KDM4B: variants seen among roughly 807,000 people sequenced by gnomAD.
The protein encoded by KDM4B is lysine-specific demethylase 4B.
In KDM4B, 32 loss-of-function variants were observed where a neutral mutation model predicts 125.2. The ratio of observed to expected loss-of-function variants is 0.26; its 90% CI spans 0.19 to 0.34. The LOEUF (loss-of-function observed/expected upper bound fraction) is 0.34. Among genes scored for constraint, KDM4B ranks in the 10% least tolerant of loss-of-function variants. The pLI is 1.00. For synonymous variants in KDM4B, 721 were observed against 677.9 expected, an observed-to-expected ratio of 1.06 and a Z score of -0.99; for missense variants, 1,190 against 1,577.7, an observed-to-expected ratio of 0.75 and a Z score of 4.16.
chr19:4,984,020 C>T (rs927129596), intron 1 of KDM4B, among the ~76,000 whole-genome samples: 7 of 152,208 alleles, frequency 4.6e-5, no homozygotes, highest in African/African-American at 1.7e-4. Context: ...GCAATTCTGT[C>T]TCTTAAGGGA....
At chr19:5,006,272 G>A (rs978300773) in intron 1 of KDM4B, among the ~76,000 whole-genome samples, 13 of 151,994 alleles carry the variant, frequency 8.6e-5, no homozygotes, top group Non-Finnish European at 1.2e-4. Context: ...TCCTCAGAGC[G>A]GAACCCCCAT....
At chr19:5,117,479 A>G (rs773079176) in intron 10 of KDM4B, among the ~76,000 whole-genome samples, 5 of 152,118 alleles carry the variant, frequency 3.3e-5, no homozygotes, top group Non-Finnish European at 7.4e-5. Context: ...GCCCTGGGGC[A>G]TTCCCAGACC....
At chr19:5,138,770 G>A (rs1048796171) in intron 18 of KDM4B, among the ~76,000 whole-genome samples, 2 of 152,198 alleles carry the variant, frequency 1.3e-5, no homozygotes, top group African/African-American at 4.8e-5. Flanking sequence ...AGGGCTCTGC[G>A]GCCCGCTCAC....
intron 11 of KDM4B, among the ~76,000 whole-genome samples, chr19:5,128,100 G>A (rs1599240366): frequency 6.6e-6 from 1 of 151,606 alleles, no homozygotes. Flanking sequence ...TGTGTGCGGA[G>A]CTACCTGTTG....
intron 1 of KDM4B, among the ~76,000 whole-genome samples, chr19:4,974,738 CAA>C (rs796667578): frequency 2.6e-4 from 18 of 69,332 alleles, no homozygotes; most frequent in Non-Finnish European, 2.1e-4. Context: ...ACTCTGTCTC[CAA>C]AAAAAAAAAA....
chr19:5,060,081 C>T (rs1037973546), intron 6 of KDM4B, among the ~76,000 whole-genome samples: 2 of 152,194 alleles, frequency 1.3e-5, no homozygotes, highest in Non-Finnish European at 2.9e-5. Context: ...CGTGTTGAGG[C>T]CCCACGGGGC....
At chr19:5,062,007 C>T (rs1003132764) in intron 6 of KDM4B, among the ~76,000 whole-genome samples, 10 of 152,226 alleles carry the variant, frequency 6.6e-5, no homozygotes, top group African/African-American at 2.2e-4. Flanking sequence ...GGGCTGGCCC[C>T]GCAGAATGCC....
At position 5,141,931 on chromosome 19, in the gene KDM4B, C is replaced by G. The variant is rs776006769; in HGVS notation, c.2551-2036C>G. Among the ~76,000 whole-genome samples the G allele has an allele frequency of 2.2e-4, 33 of 152,254 alleles. No homozygotes were observed. Among genetic ancestry groups the G allele is most frequent in the Non-Finnish European group, 2.4e-4 (16 of 68,010 alleles). ...CCAGCTCTCTCCACTGCCCACAGTC[C>G]TGCCTGGAGGGGTAGGGCTCGGTCA... On this transcript the variant is annotated intron_variant, in intron 18 of 22. Transcript: ENST00000159111. This position sits in a 1 kb window ranked among gnomAD's most constrained non-coding sequence, Gnocchi z 6.4.
intron 1 of KDM4B, among the ~76,000 whole-genome samples, chr19:5,011,100 C>T (rs532232325): frequency 6.6e-6 from 1 of 152,360 alleles, no homozygotes; most frequent in East Asian, 1.9e-4. Context: ...TTTCTGCCCG[C>T]TCCCATCCTG....
At chr19:5,003,323 T>C (rs1366362590) in intron 1 of KDM4B, among the ~76,000 whole-genome samples, 1 of 151,990 alleles carries the variant, frequency 6.6e-6, no homozygotes, top group Admixed American at 6.6e-5. Context: ...ACCCCATCTC[T>C]AATAAAAATT....
Position 5,115,190 on chromosome 19 carries a change from G to C in KDM4B, c.1115+4372G>C, listed in dbSNP as rs2039231346. ...ACAGAAAGACACAGTGGGCAGACAT[G>C]GGCAGCTCCTGGAGGGCTGCAGGGG... On this transcript the variant is annotated intron_variant, in intron 10 of 22. Transcript: ENST00000159111. The surrounding 1 kb of genome is among the most constrained non-coding windows in gnomAD (Gnocchi z 4.2). Among the ~76,000 whole-genome samples, 1 of 152,192 alleles carries C rather than the reference G, an allele frequency of 6.6e-6. No homozygotes were observed. Among genetic ancestry groups the C allele is most frequent in the South Asian group, 2.1e-4 (1 of 4,838 alleles).
chr19:5,055,611 T>C (rs985641128), intron 6 of KDM4B, among the ~76,000 whole-genome samples: 3 of 151,340 alleles, frequency 2.0e-5, no homozygotes, highest in African/African-American at 7.3e-5. Context: ...GGTGGGCCCG[T>C]GATGGGGGCT....
At chr19:5,057,065 TGCGC>T (rs1555701525) in intron 6 of KDM4B, among the ~76,000 whole-genome samples, 8 of 128,320 alleles carry the variant, frequency 6.2e-5, no homozygotes, top group African/African-American at 2.6e-4. Flanking sequence ...TGTGTGTGTG[TGCGC>T]GCGCGCGCGT....
chr19:5,151,113 G>A (rs1447922156), intron 22 of KDM4B, among the ~76,000 whole-genome samples: 1 of 152,204 alleles, frequency 6.6e-6, no homozygotes, highest in Non-Finnish European at 1.5e-5. Flanking sequence ...CCCCAGCCAG[G>A]GTGCCCACCC....
chr19:5,085,751 G>C (rs916455525), intron 9 of KDM4B, among the ~76,000 whole-genome samples: 1 of 152,222 alleles, frequency 6.6e-6, no homozygotes, highest in African/African-American at 2.4e-5. Context: ...CTTACGCAGG[G>C]AGTGTCATTA....
intron 11 of KDM4B, among the ~76,000 whole-genome samples, chr19:5,128,883 C>CG (rs1169540792): frequency 7.1e-6 from 1 of 140,248 alleles, no homozygotes; most frequent in Non-Finnish European, 1.6e-5. Flanking sequence ...CATATAACAG[C>CG]GGGGGGCCCG....
At chr19:5,034,169 G>A (rs891395527) in intron 3 of KDM4B, among the ~76,000 whole-genome samples, 1 of 152,104 alleles carries the variant, frequency 6.6e-6, no homozygotes, top group African/African-American at 2.4e-5. Context: ...GGTGCTGCAC[G>A]TTTCACGGCT....
chr19:4,972,001 C>G, intron 1 of KDM4B, among the ~76,000 whole-genome samples: 1 of 152,158 alleles, frequency 6.6e-6, no homozygotes, highest in Non-Finnish European at 1.5e-5. Context: ...ACAGATCGGC[C>G]GTCCTCATCC....
At chr19:4,987,814 C>T (rs888874375) in intron 1 of KDM4B, among the ~76,000 whole-genome samples, 1 of 152,122 alleles carries the variant, frequency 6.6e-6, no homozygotes, top group South Asian at 2.1e-4. Flanking sequence ...CCAGGTGATT[C>T]ATGGCAATGG....
Sources: allele counts gnomAD v4.1 joint callset (sites outside exome capture counted in the v4.1 genomes callset), GRCh38; gene constraint gnomAD v4.1.1; non-coding constraint Gnocchi (gnomAD v3.1); transcripts MANE v1.5; gene names NCBI Gene and HGNC (gene_info 2026-07-23, HGNC 2026-07-21).